EMC8: variants seen among roughly 807,000 people sequenced by gnomAD.
EMC8 encodes ER membrane protein complex subunit 8.
EMC8 carries 11 observed loss-of-function variants against 24.3 expected under a neutral mutation model. The ratio of observed to expected loss-of-function variants is 0.45; its 90% CI spans 0.28 to 0.75. The LOEUF is 0.75. EMC8 is among the 30% of genes least tolerant of loss of function. EMC8 has a pLI of 0.12. For missense variants in EMC8, 277 were observed against 282.7 expected, an observed-to-expected ratio of 0.98 and a Z score of 0.14; for synonymous variants, 145 against 117.7, an observed-to-expected ratio of 1.23 and a Z score of -1.50.
chr16:85,788,527 G>T, intron 2 of EMC8, among the ~76,000 whole-genome samples: 1 of 152,228 alleles, frequency 6.6e-6, no homozygotes, highest in African/African-American at 2.4e-5. Flanking sequence ...GGAAAAGAAA[G>T]AAGGAGCCAG....
At chr16:85,798,406 G>A (rs969429069) in intron 1 of EMC8, among the ~76,000 whole-genome samples, 4 of 152,132 alleles carry the variant, frequency 2.6e-5, no homozygotes, top group Non-Finnish European at 5.9e-5. Flanking sequence ...ACAGGGGTCA[G>A]CCACCGCGCC....
chr16:85,796,012 G>A (rs763308367), intron 1 of EMC8, among the ~76,000 whole-genome samples: 4 of 152,196 alleles, frequency 2.6e-5, no homozygotes, highest in African/African-American at 7.2e-5. Context: ...GGACACACGC[G>A]GTTGGAGAGC....
In EMC8 at chr16:85,789,046, T is replaced by C; in HGVS notation, c.236A>G (p.Asp79Gly). The change falls in exon 2 of 5, where the codon GAT becomes GGT. Residue 79 changes from aspartate (D) to glycine (G), a missense_variant. Coordinates refer to ENST00000253457, the MANE Select transcript of EMC8 (RefSeq NM_006067.5). ...GTAGCTATGATCTTTGCACCATGAA[T>C]CAATCTGAAAGAGGAACAAAAATTG... ...PMLEVALTLI[D>G]SWCKDHSYVI... 1 of 1,612,734 alleles carries C rather than the reference T, an allele frequency of 6.2e-7. No individual in the cohort carries two copies. The highest frequency in any genetic ancestry group is 8.5e-7 in the Non-Finnish European group (1 of 1,178,754).
At chr16:85,789,875 G>A (rs922475438) in intron 1 of EMC8, among the ~76,000 whole-genome samples, 9 of 152,134 alleles carry the variant, frequency 5.9e-5, no homozygotes, top group African/African-American at 1.7e-4. Context: ...CTCAGTTGGG[G>A]TGTAGGGTAA....
At chr16:85,781,614 C>CTTTTTTTTTTTTTTTTTTTTTTTTGTTT (rs10673082) in intron 2 of EMC8, 1 of 129,096 alleles carries the variant, frequency 7.7e-6, no homozygotes, top group Non-Finnish European at 1.5e-5. Flanking sequence ...TTTTTTTTTG[C>CTTTTTTTTTTTTTTTTTTTTTTTTGTTT]TTTTTTTTTT....
At chr16:85,792,047 C>A (rs973300835) in intron 1 of EMC8, among the ~76,000 whole-genome samples, 1 of 152,082 alleles carries the variant, frequency 6.6e-6, no homozygotes, top group East Asian at 1.9e-4. Flanking sequence ...TCCTGAAGAC[C>A]CCCAGCAGCA....
intron 3 of EMC8, chr16:85,780,684 C>G: frequency 1.7e-6 from 1 of 578,824 alleles, no homozygotes; most frequent in East Asian, 2.9e-5. Context: ...ATTGTTTTTT[C>G]ACAAAAGCGA....
At chr16:85,785,742 G>A (rs1220166754) in intron 2 of EMC8, among the ~76,000 whole-genome samples, 1 of 152,166 alleles carries the variant, frequency 6.6e-6, no homozygotes, top group Non-Finnish European at 1.5e-5. Flanking sequence ...GGAACTCCTT[G>A]TTCCTAGGAA....
intron 1 of EMC8, 144 bp from the exon 2 acceptor site, chr16:85,789,194 T>A: frequency 1.5e-6 from 1 of 650,564 alleles, no homozygotes; most frequent in Non-Finnish European, 2.7e-6. Flanking sequence ...GAAGAAAGGG[T>A]AGGACTCAGG....
chr16:85,792,785 G>A (rs1162586019), intron 1 of EMC8: 1 of 152,216 alleles, frequency 6.6e-6, no homozygotes, highest in Non-Finnish European at 1.5e-5. Context: ...CCTCCGAAGC[G>A]AGGCAAGACA....
chr16:85,788,370 A>G (rs1366773702), intron 2 of EMC8, among the ~76,000 whole-genome samples: 1 of 152,272 alleles, frequency 6.6e-6, no homozygotes, highest in East Asian at 1.9e-4. Flanking sequence ...GGCCTTGTCA[A>G]CAGCCTGCTT....
In EMC8 at chr16:85,799,018, G is replaced by A. The variant is rs1597212172; in HGVS notation, c.231+47C>T. The stretch of plus-strand genomic sequence containing the variant: ...GCCAGCTTCCTCTCTGCTGACTGAG[G>A]GGAGGCCAGGCTGCCTGCAAGGGGA... On this transcript the variant is annotated intron_variant, in intron 1 of 4. Coordinates refer to ENST00000253457, the MANE Select transcript of EMC8 (RefSeq NM_006067.5). This position sits in a 1 kb window ranked among gnomAD's most constrained non-coding sequence, Gnocchi z 4.2. The A allele has an allele frequency of 1.4e-5, 19 of 1,314,490 alleles. No homozygotes were observed. Among genetic ancestry groups the A allele is most frequent in the Admixed American group, 2.1e-5 (1 of 48,402 alleles). 81.4% of individuals were successfully genotyped at this position (1,314,490 alleles called of 1,614,324 possible).
chr16:85,786,535 G>A (rs1333502617), intron 2 of EMC8, among the ~76,000 whole-genome samples: 1 of 152,180 alleles, frequency 6.6e-6, no homozygotes, highest in Non-Finnish European at 1.5e-5. Flanking sequence ...TACCTGAGGT[G>A]TCCTCCTCAA....
rs1597197063 is a variant in EMC8, at chr16:85,779,321, AT to A, written c.*386del. ...AACTCACAAACACACTCATTGGAGT[AT>A]AAGATGTGGGCTTTTTTTTTTTTTT... On this transcript the variant is annotated 3_prime_UTR_variant, in exon 5 of 5. Coordinates refer to ENST00000253457, the MANE Select transcript of EMC8 (RefSeq NM_006067.5). 1 of 145,892 alleles carries A rather than the reference AT, an allele frequency of 6.9e-6. No homozygotes were observed. The highest frequency in any genetic ancestry group is 1.8e-4 in the East Asian group (1 of 5,594). The allele number at this position is 145,892 out of a possible 1,614,324, so 9.0% of individuals were successfully genotyped here.
intron 1 of EMC8, among the ~76,000 whole-genome samples, chr16:85,791,753 C>G (rs1269784381): frequency 6.6e-6 from 1 of 152,212 alleles, no homozygotes; most frequent in Non-Finnish European, 1.5e-5. Context: ...GGCCACATCA[C>G]TCTGACCTCT....
At chr16:85,788,294 C>T (rs937989128) in intron 2 of EMC8, among the ~76,000 whole-genome samples, 3 of 152,262 alleles carry the variant, frequency 2.0e-5, no homozygotes, top group Non-Finnish European at 2.9e-5. Flanking sequence ...CCTTCCTCCC[C>T]ACCCTTTGGG....
At chr16:85,780,153 T>C (rs562702768) in intron 4 of EMC8, 9 of 600,602 alleles carry the variant, frequency 1.5e-5, no homozygotes, top group Admixed American at 5.8e-5. Flanking sequence ...CTGGGAAGAG[T>C]GTCTGTGCTC....
At chr16:85,796,932 C>G (rs1191663648) in intron 1 of EMC8, among the ~76,000 whole-genome samples, 3 of 152,234 alleles carry the variant, frequency 2.0e-5, no homozygotes, top group Non-Finnish European at 4.4e-5. Context: ...AAGTGCTAAG[C>G]AGGTACTGTG....
intron 2 of EMC8, among the ~76,000 whole-genome samples, chr16:85,785,217 G>A (rs1904698378): frequency 6.6e-6 from 1 of 152,222 alleles, no homozygotes; most frequent in African/African-American, 2.4e-5. Context: ...AAAGTGCTGG[G>A]ATTACAGGTG....
Sources: allele counts gnomAD v4.1 joint callset (sites outside exome capture counted in the v4.1 genomes callset), GRCh38; gene constraint gnomAD v4.1.1; non-coding constraint Gnocchi (gnomAD v3.1); transcripts MANE v1.5; gene names NCBI Gene and HGNC (gene_info 2026-07-23, HGNC 2026-07-21).